Variants in CD1B observed in about 807,000 individuals in gnomAD.
CD1B encodes CD1b molecule, also known as T-cell surface glycoprotein CD1b.
A neutral mutation model predicts 39.8 loss-of-function variants in CD1B; 43 were observed. The observed-to-expected ratio is 1.08, with a 90% CI of 0.85 to 1.39. The LOEUF (loss-of-function observed/expected upper bound fraction) is 1.39, where lower values mean the gene tolerates loss of function less well. CD1B is among the 40% of genes most tolerant of loss of function. The pLI is 0.00. For synonymous variants in CD1B, 192 were observed against 152.5 expected (o/e 1.26, Z -1.91); for missense variants, 495 against 403.8 (o/e 1.23, Z -1.94).
At chr1:158,289,412 G>A in the CD1B span, among the ~76,000 whole-genome samples, 2 of 152,300 alleles carry the variant, frequency 1.3e-5, no homozygotes, top group Non-Finnish European at 2.9e-5. Flanking sequence ...AATCTCTAAG[G>A]ATAATGTAGA....
At chr1:158,325,025 T>C (rs1014914927), downstream of CD1B, among the ~76,000 whole-genome samples, 1 of 152,166 alleles carries the variant, frequency 6.6e-6, no homozygotes. Flanking sequence ...GAATGCCATA[T>C]AAAGCATTCA....
chr1:158,310,102 T>G, the CD1B span, among the ~76,000 whole-genome samples: 1 of 152,120 alleles, frequency 6.6e-6, no homozygotes, highest in Non-Finnish European at 1.5e-5. Flanking sequence ...AACAGCATGG[T>G]ACTAGTAGAA....
chr1:158,330,473 G>A (rs1427369013), intron 2 of CD1B: 1 of 558,572 alleles, frequency 1.8e-6, no homozygotes, highest in Admixed American at 3.0e-5. Flanking sequence ...TGGATTAGGG[G>A]AGAAAGCCAC....
the CD1B span, chr1:158,292,685 C>T: frequency 8.1e-6 from 13 of 1,613,916 alleles, no homozygotes; most frequent in Non-Finnish European, 1.0e-5. Flanking sequence ...CTACCCAAAG[C>T]CTGTTTGGGT....
the CD1B span, among the ~76,000 whole-genome samples, chr1:158,306,726 C>T: frequency 6.6e-6 from 1 of 152,210 alleles, no homozygotes; most frequent in Admixed American, 6.5e-5. Context: ...TTATAACAAA[C>T]TGTCTCTCAG....
At chr1:158,293,918 G>A in the CD1B span, among the ~76,000 whole-genome samples, 4 of 152,194 alleles carry the variant, frequency 2.6e-5, no homozygotes, top group Non-Finnish European at 4.4e-5. Flanking sequence ...TAACTGTCAT[G>A]TTGACAATTT....
In CD1B at chr1:158,331,496, G is replaced by C. The variant is rs1652604149; in HGVS notation, c.-73C>G. 8.4e-7 allele frequency: 1 copy of C among 1,186,872 alleles called. No individual in the cohort carries two copies. Among genetic ancestry groups the C allele is most frequent in the Non-Finnish European group, 1.2e-6 (1 of 802,978 alleles). The allele number at this position is 1,186,872 out of a possible 1,614,324, so 73.5% of individuals were successfully genotyped here. ...CCAATTTCAGCAAAGCTTTTCCTCAGTACCCTGTAGTGACTTCTTCTCTCT... is the reference window on the plus strand; with the variant it reads ...CCAATTTCAGCAAAGCTTTTCCTCACTACCCTGTAGTGACTTCTTCTCTCT... On this transcript the variant is annotated 5_prime_UTR_variant, in exon 1 of 6. Transcript: ENST00000368168.
At chr1:158,329,670 A>G in intron 3 of CD1B, 22 bp from the exon 4 acceptor site, 1 of 1,610,320 alleles carries the variant, frequency 6.2e-7, no homozygotes, top group Non-Finnish European at 8.5e-7. Context: ...AGGAGAAAAA[A>G]AAGTGTCATG....
In CD1B at chr1:158,329,606, G is replaced by A. The variant is rs1363402535; in HGVS notation, c.650C>T (p.Pro217Leu). The part of the protein sequence containing the change: ...AWLSSGPSPG[P>L]GRLQLVCHVS... ...ATGGCACACAAGCTGCAGACGGCCA[G>A]GTCCAGGACTGGGGCCACTGGACAG... is the stretch of plus-strand genomic sequence containing the variant. The change falls in exon 4 of 6, where the codon CCT (proline) becomes CTT (leucine). Residue 217 changes from proline to leucine, a missense_variant. Physicochemically the swap from Pro to Leu is moderately conservative, Grantham distance 98 (BLOSUM62 -3). Transcript: ENST00000368168. 2 of 1,614,116 alleles carry A rather than the reference G, an allele frequency of 1.2e-6. No individual in the cohort carries two copies. The highest frequency in any genetic ancestry group is 8.5e-7 in the Non-Finnish European group (1 of 1,180,036).
chr1:158,314,258 T>C, the CD1B span, among the ~76,000 whole-genome samples: 1 of 152,134 alleles, frequency 6.6e-6, no homozygotes, highest in Admixed American at 6.6e-5. Context: ...CTAATTTTTG[T>C]ATTTTTAGTA....
chr1:158,309,434 G>C, the CD1B span, among the ~76,000 whole-genome samples: 1 of 152,212 alleles, frequency 6.6e-6, no homozygotes, highest in Middle Eastern at 3.4e-3. Flanking sequence ...GATTCCTCAG[G>C]GATCTAGAAC....
rs538938748 is a variant in CD1B at position 158,328,781 on chromosome 1, A to G, written c.980+140T>C. On this transcript the variant is annotated intron_variant, in intron 5 of 5. Coordinates refer to ENST00000368168, the MANE Select transcript of CD1B (RefSeq NM_001764.3). Reference sequence around the variant, plus strand: ...CAGAATTTTTTTTAAGTCCACATAAAACGAATGGGAGTTTGGGGAAAGGAT... The same window carrying G: ...CAGAATTTTTTTTAAGTCCACATAAGACGAATGGGAGTTTGGGGAAAGGAT... 35 of 631,956 alleles carry G rather than the reference A, an allele frequency of 5.5e-5. No individual in the cohort carries two copies. The South Asian group carries it at 8.0e-4, about 14-fold the overall frequency. The allele number at this position is 631,956 out of a possible 1,614,324, so 39.1% of individuals were successfully genotyped here. A position where few individuals can be genotyped will look rare whatever the true frequency, so the allele number is the denominator to read the frequency against.
chr1:158,310,379 T>A, the CD1B span, among the ~76,000 whole-genome samples: 1 of 152,216 alleles, frequency 6.6e-6, no homozygotes, highest in Non-Finnish European at 1.5e-5. Context: ...GAAGAAAACC[T>A]GTGAAATTCC....
At chr1:158,307,587 G>A in the CD1B span, among the ~76,000 whole-genome samples, 36 of 152,190 alleles carry the variant, frequency 2.4e-4, 3 homozygotes, top group South Asian at 3.7e-3. Flanking sequence ...CATTTTATGA[G>A]GCCAGCATTA....
At chr1:158,293,609 A>G in the CD1B span, 7 of 1,602,464 alleles carry the variant, frequency 4.4e-6, no homozygotes, top group African/African-American at 2.7e-5. Flanking sequence ...TTTGTTAATA[A>G]AAACCAAATT....
chr1:158,329,735 AC>A (rs1429478950), intron 3 of CD1B, 87 bp from the exon 4 acceptor site: 12 of 1,564,482 alleles, frequency 7.7e-6, no homozygotes, highest in Non-Finnish European at 1.0e-5. Flanking sequence ...TTGGACAGCG[AC>A]CCCATTCACT....
the CD1B span, among the ~76,000 whole-genome samples, chr1:158,314,892 T>A: frequency 4.1e-5 from 6 of 147,640 alleles, no homozygotes; most frequent in Admixed American, 2.7e-4. Context: ...CACCTATGAG[T>A]GAGAATATGC....
the CD1B span, chr1:158,293,067 T>C: frequency 1.5e-5 from 13 of 890,630 alleles, no homozygotes; most frequent in Non-Finnish European, 2.1e-5. Context: ...GAATCCTTCC[T>C]TGAGTAAGTT....
At chr1:158,298,443 A>G in the CD1B span, among the ~76,000 whole-genome samples, 2 of 152,172 alleles carry the variant, frequency 1.3e-5, no homozygotes, top group Admixed American at 6.5e-5. Context: ...AAGAATATAC[A>G]TTCTTCCCAT....
Sources: gnomAD v4.1 joint callset for allele counts (sites outside exome capture counted in the v4.1 genomes callset) on GRCh38, gnomAD v4.1.1 for gene constraint, MANE v1.5 for transcripts, NCBI Gene and HGNC (gene_info 2026-07-23, HGNC 2026-07-21) for gene names.